Variants in GFOD2 observed in about 807,000 individuals in gnomAD.
The protein encoded by GFOD2 is glucose-fructose oxidoreductase domain-containing protein 2.
A neutral mutation model predicts 24.6 loss-of-function variants in GFOD2; 9 were observed. The observed-to-expected ratio is 0.37, with a 90% confidence interval of 0.22 to 0.64. The LOEUF is 0.64. Ranked by LOEUF, GFOD2 falls within the 30% of genes least tolerant of loss-of-function variation. GFOD2 has a pLI of 0.65. For missense variants in GFOD2, 476 were observed against 532.5 expected (o/e 0.89, Z 1.04); for synonymous variants, 211 against 224.8 (o/e 0.94, Z 0.55).
At chr16:67,695,208 G>T (rs1035622728) in intron 1 of GFOD2, among the ~76,000 whole-genome samples, 83 of 152,012 alleles carry the variant, frequency 5.5e-4, no homozygotes, top group African/African-American at 1.9e-3. Context: ...TGTTGGCCAG[G>T]CTGGTCTCGA....
chr16:67,716,628 C>T (rs1213513018), intron 1 of GFOD2, among the ~76,000 whole-genome samples: 1 of 152,198 alleles, frequency 6.6e-6, no homozygotes, highest in Non-Finnish European at 1.5e-5. Context: ...TTTTGGCCTA[C>T]TTGTCTTACC....
intron 1 of GFOD2, among the ~76,000 whole-genome samples, chr16:67,694,939 T>G (rs527329121): frequency 2.1e-4 from 32 of 151,450 alleles, no homozygotes; most frequent in Non-Finnish European, 3.4e-4. Context: ...AAACTGTCTG[T>G]GGCCACTCAG....
intron 2 of GFOD2, chr16:67,683,681 C>T: frequency 8.1e-7 from 1 of 1,231,318 alleles, no homozygotes; most frequent in Non-Finnish European, 1.0e-6. Context: ...ATTTATCCTT[C>T]CCTACCCACT....
chr16:67,681,312 T>A (rs1351979135), intron 2 of GFOD2: 2 of 985,332 alleles, frequency 2.0e-6, no homozygotes, highest in Non-Finnish European at 2.4e-6. Flanking sequence ...AAAGGACTTT[T>A]ATGACTGCTA....
At chr16:67,701,036 CAAA>C (rs1196263484) in intron 1 of GFOD2, among the ~76,000 whole-genome samples, 3 of 68,440 alleles carry the variant, frequency 4.4e-5, no homozygotes, top group Non-Finnish European at 6.5e-5. Context: ...GACTCTGTCT[CAAA>C]AAAAAAAAAA....
chr16:67,709,813 C>A (rs879876882), intron 1 of GFOD2, among the ~76,000 whole-genome samples: 3 of 152,110 alleles, frequency 2.0e-5, no homozygotes, highest in African/African-American at 4.8e-5. Context: ...GACGGGGTTT[C>A]CCATATTGCC....
At chr16:67,698,772 C>A (rs548398725) in intron 1 of GFOD2, among the ~76,000 whole-genome samples, 4 of 152,286 alleles carry the variant, frequency 2.6e-5, no homozygotes, top group African/African-American at 9.6e-5. Context: ...AGCCACTGTG[C>A]CCGGCCTGCA....
Position 67,675,007 on chromosome 16 carries a change from G to T in GFOD2, c.*148C>A. 1.2e-6 allele frequency: 1 copy of T among 851,974 alleles called. No homozygotes were observed. The highest frequency in any genetic ancestry group is 2.5e-5 in the East Asian group (1 of 40,340). 52.8% of individuals were successfully genotyped at this position (851,974 alleles called of 1,614,324 possible). On this transcript the variant is annotated 3_prime_UTR_variant, in exon 3 of 3. Coordinates refer to ENST00000268797, the MANE Select transcript of GFOD2 (RefSeq NM_030819.4). ...TCTGAGGAGCAGATGAGCCACTGGA[G>T]GGGGCGAAGTCCCAGAGCCACCTCT...
intron 1 of GFOD2, among the ~76,000 whole-genome samples, chr16:67,703,022 T>C (rs2053414867): frequency 6.6e-6 from 1 of 152,210 alleles, no homozygotes; most frequent in African/African-American, 2.4e-5. Context: ...GCTTGTATAG[T>C]GGTTAGACCC....
At chr16:67,714,667 G>A (rs1434448909) in intron 1 of GFOD2, among the ~76,000 whole-genome samples, 1 of 152,092 alleles carries the variant, frequency 6.6e-6, no homozygotes, top group East Asian at 1.9e-4. Context: ...GAGAAATTGA[G>A]AGCTGACAAT....
At chr16:67,693,992 CTT>C (rs879739750) in intron 1 of GFOD2, among the ~76,000 whole-genome samples, 2 of 146,124 alleles carry the variant, frequency 1.4e-5, no homozygotes. Context: ...TTAGGACATA[CTT>C]TTTTTTTTTT....
At chr16:67,714,802 T>A (rs2053496583) in intron 1 of GFOD2, among the ~76,000 whole-genome samples, 1 of 152,128 alleles carries the variant, frequency 6.6e-6, no homozygotes, top group Admixed American at 6.6e-5. Flanking sequence ...TTACAGAAGC[T>A]CTTGGGAATG....
In GFOD2 at chr16:67,705,803, G is replaced by A. The variant is rs566697265; in HGVS notation, c.-88+13360C>T. Reference sequence around the variant, plus strand: ...AAAATACAAAAAATTAGCTGGGCACGGTGGCAGATGCCTGTAGTCCCAGCT... The same window carrying A: ...AAAATACAAAAAATTAGCTGGGCACAGTGGCAGATGCCTGTAGTCCCAGCT... On this transcript the variant is annotated intron_variant, in intron 1 of 2. Coordinates refer to ENST00000268797, the MANE Select transcript of GFOD2 (RefSeq NM_030819.4). Among the ~76,000 whole-genome samples the A allele has an allele frequency of 1.5e-4, 23 of 151,676 alleles. 1 individual carries two copies. In the South Asian group the frequency reaches 4.4e-3, roughly 29 times the overall value.
intron 1 of GFOD2, among the ~76,000 whole-genome samples, chr16:67,694,723 C>T (rs2053345304): frequency 6.6e-6 from 1 of 152,152 alleles, no homozygotes; most frequent in South Asian, 2.1e-4. Context: ...CCCAGTATAA[C>T]ATCCTGTACT....
chr16:67,705,713 C>G (rs1285431193), intron 1 of GFOD2, among the ~76,000 whole-genome samples: 1 of 151,864 alleles, frequency 6.6e-6, no homozygotes, highest in Admixed American at 6.6e-5. Flanking sequence ...CCAAGGCGGG[C>G]GGATCACTTG....
At chr16:67,714,940 T>C (rs1214530425) in intron 1 of GFOD2, among the ~76,000 whole-genome samples, 1 of 152,208 alleles carries the variant, frequency 6.6e-6, no homozygotes, top group Non-Finnish European at 1.5e-5. Context: ...ACAAAAACAC[T>C]ACTTGCAATT....
chr16:67,703,230 C>A (rs957895410), intron 1 of GFOD2, among the ~76,000 whole-genome samples: 2 of 151,960 alleles, frequency 1.3e-5, no homozygotes, highest in African/African-American at 4.8e-5. Context: ...ATGGTGAAAC[C>A]CCATCTCTAC....
Position 67,685,445 on chromosome 16 carries a change from T to C in GFOD2, c.259+12A>G. ...GACATGATCTGCCCCTGCTGTGGCC[T>C]GCCGGGCGTACCTAGAGCCTTCACG... On this transcript the variant is annotated intron_variant, in intron 2 of 2. Coordinates refer to ENST00000268797, the MANE Select transcript of GFOD2 (RefSeq NM_030819.4). 1 of 1,614,116 alleles carries C rather than the reference T, an allele frequency of 6.2e-7. No homozygotes were observed. The highest frequency in any genetic ancestry group is 8.5e-7 in the Non-Finnish European group (1 of 1,180,016).
chr16:67,688,174 A>T (rs940014054), intron 1 of GFOD2, among the ~76,000 whole-genome samples: 1 of 152,156 alleles, frequency 6.6e-6, no homozygotes, highest in African/African-American at 2.4e-5. Context: ...GAAAGGGAAA[A>T]ACACACACTA....
Sources: allele counts gnomAD v4.1 joint callset (sites outside exome capture counted in the v4.1 genomes callset), GRCh38; gene constraint gnomAD v4.1.1; transcripts MANE v1.5; gene names NCBI Gene and HGNC (gene_info 2026-07-23, HGNC 2026-07-21).